Variants in PTPRN2 observed in about 807,000 individuals in gnomAD.
PTPRN2 encodes protein tyrosine phosphatase receptor type N2, also known as receptor-type tyrosine-protein phosphatase N2.
A neutral mutation model predicts 118.8 loss-of-function variants in PTPRN2; 74 were observed. The ratio of observed to expected loss-of-function variants is 0.62; its 90% CI spans 0.52 to 0.76. The LOEUF (loss-of-function observed/expected upper bound fraction) is 0.76, where lower values mean the gene tolerates loss of function less well. PTPRN2 is among the 30% of genes least tolerant of loss of function. The probability of loss-of-function intolerance (pLI) is 0.00; values close to 1 mark genes in which losing one functional copy is unlikely to be tolerated. For missense variants in PTPRN2, 1,481 were observed against 1,394.4 expected, an observed-to-expected ratio of 1.06 and a Z score of -0.99; for synonymous variants, 641 against 608.0, an observed-to-expected ratio of 1.05 and a Z score of -0.80.
At chr7:157,742,486 T>G (rs935670149) in intron 12 of PTPRN2, among the ~76,000 whole-genome samples, 29 of 150,136 alleles carry the variant, frequency 1.9e-4, no homozygotes, top group African/African-American at 5.2e-4. Context: ...TGACTTCTGT[T>G]TTTTTTTTTT....
chr7:157,685,073 C>T (rs929106001), intron 12 of PTPRN2, among the ~76,000 whole-genome samples: 1 of 151,948 alleles, frequency 6.6e-6, no homozygotes, highest in African/African-American at 2.4e-5. Context: ...GCGCCCCTCG[C>T]CGCCCCTCGC....
chr7:158,161,526 T>C (rs558718020), intron 6 of PTPRN2, among the ~76,000 whole-genome samples: 3 of 152,316 alleles, frequency 2.0e-5, no homozygotes, highest in African/African-American at 7.2e-5. Context: ...CAACTGGATG[T>C]CCACATGTAC....
intron 2 of PTPRN2, among the ~76,000 whole-genome samples, chr7:158,477,340 G>A (rs901009449): frequency 6.6e-6 from 1 of 152,164 alleles, no homozygotes; most frequent in Non-Finnish European, 1.5e-5. Context: ...ATTTTAACAC[G>A]CACAGAAAAC....
At chr7:158,252,713 CCAGTTAGAT>C (rs1389693594) in intron 3 of PTPRN2, among the ~76,000 whole-genome samples, 4 of 152,132 alleles carry the variant, frequency 2.6e-5, no homozygotes. Context: ...GGCTGACAGC[CCAGTTAGAT>C]CGAGTCCAAG....
chr7:158,524,848 A>G (rs956142534), intron 1 of PTPRN2, among the ~76,000 whole-genome samples: 42 of 152,148 alleles, frequency 2.8e-4, no homozygotes, highest in African/African-American at 1.0e-3. Context: ...ACAGCCCTCA[A>G]ATACTGCATT....
intron 11 of PTPRN2, among the ~76,000 whole-genome samples, chr7:158,043,860 A>G (rs758892253): frequency 1.3e-5 from 2 of 152,242 alleles, no homozygotes; most frequent in Non-Finnish European, 2.9e-5. Flanking sequence ...CATCCTGCAC[A>G]GTTGGCTCAG....
Position 158,489,780 on chromosome 7 carries a change from G to A in PTPRN2, c.118C>T (p.Leu40=), listed in dbSNP as rs1297441244. ...GRQLPGRLGC[L]LEEGLCGASE... ...GCTCCGCAGAGGCCCTCCTCGAGCA[G>A]GCAGCCTGCGGGGAAACAGAGAAGA... Residue 40 remains leucine (L), a synonymous_variant, in exon 2 of 23, where the codon CTG becomes TTG. Coordinates refer to ENST00000389418, the MANE Select transcript of PTPRN2 (RefSeq NM_002847.5). The A allele has an allele frequency of 8.9e-6, 14 of 1,576,826 alleles. No individual in the cohort carries two copies. Among genetic ancestry groups the A allele is most frequent in the Non-Finnish European group, 1.2e-5 (14 of 1,162,178 alleles).
Position 157,682,790 on chromosome 7 carries a change from T to C in PTPRN2, c.1936A>G (p.Arg646Gly), listed in dbSNP as rs1226018109. 5 of 1,614,132 alleles carry C rather than the reference T, an allele frequency of 3.1e-6. No individual in the cohort carries two copies. The highest frequency in any genetic ancestry group is 1.1e-5 in the South Asian group (1 of 91,090). The change falls in exon 13 of 23, where the codon AGG (arginine) becomes GGG (glycine). Residue 646 changes from arginine (R) to glycine (G), a missense_variant. Transcript: ENST00000389418. Reference protein sequence around the residue: ...IYCLRHSSQHRLKEKLSGLGG... With the variant: ...IYCLRHSSQHGLKEKLSGLGG... ...AGTCCCGAGAGCTTCTCCTTCAGCCTGTGCTGAGAGCTATGGCGGAGGCAG... is the reference window on the plus strand; with the variant it reads ...AGTCCCGAGAGCTTCTCCTTCAGCCCGTGCTGAGAGCTATGGCGGAGGCAG...
chr7:158,181,182 C>A (rs1310480528), intron 5 of PTPRN2, among the ~76,000 whole-genome samples: 2 of 152,158 alleles, frequency 1.3e-5, no homozygotes, highest in Non-Finnish European at 2.9e-5. Context: ...GCTTTTCCTG[C>A]ATCTATTGAG....
intron 12 of PTPRN2, among the ~76,000 whole-genome samples, chr7:157,853,565 T>A (rs1809453582): frequency 1.3e-5 from 2 of 151,450 alleles, no homozygotes; most frequent in South Asian, 4.2e-4. Context: ...AGGCCCACGG[T>A]CTTGGGGCAC....
chr7:157,727,120 A>G (rs1332950582), intron 12 of PTPRN2, among the ~76,000 whole-genome samples: 1 of 152,208 alleles, frequency 6.6e-6, no homozygotes, highest in African/African-American at 2.4e-5. Flanking sequence ...CGGCAGCCCT[A>G]TGTCTGGGTG....
At chr7:158,066,493 G>C (rs1312035298) in intron 11 of PTPRN2, among the ~76,000 whole-genome samples, 1 of 152,226 alleles carries the variant, frequency 6.6e-6, no homozygotes, top group Non-Finnish European at 1.5e-5. Flanking sequence ...CAGTATGGAA[G>C]GGCTCTGAGT....
At chr7:158,490,284 A>C (rs1268496176) in intron 1 of PTPRN2, among the ~76,000 whole-genome samples, 1 of 152,214 alleles carries the variant, frequency 6.6e-6, no homozygotes, top group Non-Finnish European at 1.5e-5. Flanking sequence ...GCCACAGACA[A>C]GAGACGCAGG....
Position 157,813,380 on chromosome 7 carries a change from G to T in PTPRN2, c.1788+85293C>A, listed in dbSNP as rs1158343460. On this transcript the variant is annotated intron_variant, in intron 12 of 22. Coordinates refer to ENST00000389418, the MANE Select transcript of PTPRN2 (RefSeq NM_002847.5). The surrounding 1 kb of genome is among the most constrained non-coding windows in gnomAD (Gnocchi z 4.7). ...GCGGGGAACGGTGGGGAGGGAAGAGGGTGGGAGACCAGAGTCAGAGGCGGA... is the reference window on the plus strand; with the variant it reads ...GCGGGGAACGGTGGGGAGGGAAGAGTGTGGGAGACCAGAGTCAGAGGCGGA... 6.6e-6 allele frequency among the ~76,000 whole-genome samples: 1 copy of T among 152,130 alleles called. No homozygotes were observed. Among genetic ancestry groups the T allele is most frequent in the Non-Finnish European group, 1.5e-5 (1 of 68,034 alleles).
intron 6 of PTPRN2, among the ~76,000 whole-genome samples, chr7:158,164,733 G>A (rs907311180): frequency 6.6e-6 from 1 of 152,164 alleles, no homozygotes; most frequent in Non-Finnish European, 1.5e-5. Flanking sequence ...GGATAGGAGA[G>A]AGAAAAGGGA....
chr7:157,615,648 C>T lies in PTPRN2; in HGVS notation c.2344+5714G>A, dbSNP rs1363057391. On this transcript the variant is annotated intron_variant, in intron 15 of 22. Coordinates refer to ENST00000389418, the MANE Select transcript of PTPRN2 (RefSeq NM_002847.5). The surrounding 1 kb of genome is among the most constrained non-coding windows in gnomAD (Gnocchi z 4.3). ...CTGGTCCTGCGGAATGTGTTTTTAT[C>T]AATGACTTGACGACGTGAAAAACAT... is the stretch of plus-strand genomic sequence containing the variant. 3 of 465,720 alleles carry T rather than the reference C, an allele frequency of 6.4e-6. No homozygotes were observed. Among genetic ancestry groups the T allele is most frequent in the South Asian group, 4.7e-5 (3 of 64,462 alleles). The allele number at this position is 465,720 out of a possible 1,614,324, so 28.8% of individuals were successfully genotyped here.
At chr7:158,253,415 C>T (rs1377038956) in intron 3 of PTPRN2, among the ~76,000 whole-genome samples, 4 of 152,322 alleles carry the variant, frequency 2.6e-5, no homozygotes, top group African/African-American at 7.2e-5. Flanking sequence ...TGCTGCATTT[C>T]GTAGAAAGGA....
intron 12 of PTPRN2, among the ~76,000 whole-genome samples, chr7:157,705,459 G>A: frequency 6.6e-6 from 1 of 152,100 alleles, no homozygotes; most frequent in East Asian, 1.9e-4. Flanking sequence ...ATCAACATGG[G>A]CCACATTCCC....
In PTPRN2 at chr7:158,197,745, C is replaced by A. The variant is rs183257973; in HGVS notation, c.381-5250G>T. Among the ~76,000 whole-genome samples, 15 of 152,216 alleles carry A rather than the reference C, an allele frequency of 9.9e-5. No individual in the cohort carries two copies. The East Asian group carries it at 2.9e-3, about 29-fold the overall frequency. On this transcript the variant is annotated intron_variant, in intron 4 of 22. Coordinates refer to ENST00000389418, the MANE Select transcript of PTPRN2 (RefSeq NM_002847.5). ...TGGCAGGAGAGAGAAGTGCAAGGAG[C>A]AAAGGGGAAAGAGTCCCTTATAAAA...
Sources: allele counts gnomAD v4.1 joint callset (sites outside exome capture counted in the v4.1 genomes callset), GRCh38; gene constraint gnomAD v4.1.1; non-coding constraint Gnocchi (gnomAD v3.1); transcripts MANE v1.5; gene names NCBI Gene and HGNC (gene_info 2026-07-23, HGNC 2026-07-21).